Variants in FHAD1 observed in about 807,000 individuals in gnomAD.
The protein encoded by FHAD1 is forkhead-associated domain-containing protein 1.
A neutral mutation model predicts 191.3 loss-of-function variants in FHAD1; 146 were observed. The ratio of observed to expected loss-of-function variants is 0.76; its 90% CI spans 0.67 to 0.88. The LOEUF is 0.88. Ranked by LOEUF, FHAD1 falls within the 40% of genes least tolerant of loss-of-function variation. The pLI is 0.00. For missense variants in FHAD1, 1,635 were observed against 1,785.8 expected (o/e 0.92, Z 1.52); for synonymous variants, 616 against 672.3 (o/e 0.92, Z 1.29).
chr1:15,365,888 A>T lies in FHAD1; in HGVS notation c.3109A>T (p.Arg1037Trp), dbSNP rs994826119. 24 of 1,551,520 alleles carry T rather than the reference A, an allele frequency of 1.5e-5. No homozygotes were observed. The highest frequency in any genetic ancestry group is 2.1e-5 in the Non-Finnish European group (24 of 1,146,900). ...LSQQEVIMKL[R>W]KDLTEAHSRM... ...TCAGCAGGAAGTCATCATGAAGTTA[A>T]GGAAAGACCTTACCGAAGCCCACAG... Residue 1037 changes from arginine to tryptophan, a missense_variant, in exon 24 of 34, where the codon AGG becomes TGG. Transcript: ENST00000688493.
chr1:15,251,284 AACAAAAAAAAC>A (rs758116574), intron 1 of FHAD1, among the ~76,000 whole-genome samples: 2,228 of 114,086 alleles, frequency 0.02, 50 homozygotes, highest in African/African-American at 0.084. Flanking sequence ...AAAAAAAAAA[AACAAAAAAAAC>A]CACCCATTTT....
intron 14 of FHAD1, among the ~76,000 whole-genome samples, chr1:15,333,336 G>GGGGAGGAGGAGGGAAGAGGA (rs1443917715): frequency 1.3e-5 from 2 of 152,112 alleles, no homozygotes; most frequent in Non-Finnish European, 2.9e-5. Flanking sequence ...GAGGAAGGAT[G>GGGGAGGAGGAGGGAAGAGGA]GGGAGGAGGA....
At position 15,327,046 on chromosome 1, in the gene FHAD1, C is replaced by T. The variant is rs938527657; in HGVS notation, c.1474-13C>T. 1.9e-6 allele frequency: 3 copies of T among 1,545,500 alleles called. No individual in the cohort carries two copies. Among genetic ancestry groups the T allele is most frequent in the Non-Finnish European group, 2.6e-6 (3 of 1,141,552 alleles). On this transcript the variant is annotated splice_polypyrimidine_tract_variant and intron_variant, in intron 11 of 33. Coordinates refer to ENST00000688493, the MANE Select transcript of FHAD1 (RefSeq NM_001391957.1). The surrounding 1 kb of genome is among the most constrained non-coding windows in gnomAD (Gnocchi z 5.1). Reference sequence around the variant, plus strand: ...GCTGACCCCCTGACACTGTTGCCCCCTCTCTGCTGCAGCTGGAGCACTTCA... The same window carrying T: ...GCTGACCCCCTGACACTGTTGCCCCTTCTCTGCTGCAGCTGGAGCACTTCA...
rs111853351 is a variant in FHAD1, at chr1:15,376,572, C to T, written c.3705+842C>T. On this transcript the variant is annotated intron_variant, in intron 28 of 33. Transcript: ENST00000688493. ...AGTCAGAGGGACCTGTGTCCAGATCCGAGCTCTGCGAGCTGTGTGACCTTG... is the reference window on the plus strand; with the variant it reads ...AGTCAGAGGGACCTGTGTCCAGATCTGAGCTCTGCGAGCTGTGTGACCTTG... Among the ~76,000 whole-genome samples the T allele has an allele frequency of 4.0e-3, 602 of 152,264 alleles. 5 individuals carry two copies. Among genetic ancestry groups the T allele is most frequent in the African/African-American group, 0.013 (536 of 41,546 alleles).
At chr1:15,331,031 C>G (rs948182252) in intron 14 of FHAD1, among the ~76,000 whole-genome samples, 9 of 152,074 alleles carry the variant, frequency 5.9e-5, no homozygotes, top group Non-Finnish European at 1.2e-4. Flanking sequence ...ATCAACAGGC[C>G]TCAGTGGTAG....
intron 23 of FHAD1, among the ~76,000 whole-genome samples, chr1:15,363,092 T>G (rs182194760): frequency 6.6e-6 from 1 of 152,330 alleles, no homozygotes; most frequent in African/African-American, 2.4e-5. Flanking sequence ...GAGATTCATT[T>G]CTTACAGTTA....
At chr1:15,348,063 AG>A (rs1310359512) in intron 18 of FHAD1, among the ~76,000 whole-genome samples, 1 of 152,232 alleles carries the variant, frequency 6.6e-6, no homozygotes, top group African/African-American at 2.4e-5. Context: ...TACAATTCAC[AG>A]GAAAATGTCC....
rs946841166 is a variant in FHAD1, at chr1:15,318,768, T to C, written c.1365+840T>C. 6.6e-6 allele frequency among the ~76,000 whole-genome samples: 1 copy of C among 152,244 alleles called. No individual in the cohort carries two copies. ...GACAGCACAGATATGGAAATTTCCA[T>C]CAGCACAGCAAGTCCTATTGTTTTA... is the stretch of plus-strand genomic sequence containing the variant. On this transcript the variant is annotated intron_variant, in intron 10 of 33. Transcript: ENST00000688493. This position sits in a 1 kb window ranked among gnomAD's most constrained non-coding sequence, Gnocchi z 4.1.
chr1:15,282,501 G>T (rs1024917582), intron 3 of FHAD1, among the ~76,000 whole-genome samples: 10 of 152,130 alleles, frequency 6.6e-5, no homozygotes, highest in Admixed American at 4.6e-4. Context: ...TTTCCAACCG[G>T]AATACTGGTG....
At chr1:15,371,768 C>T (rs912508481) in intron 26 of FHAD1, among the ~76,000 whole-genome samples, 7 of 152,104 alleles carry the variant, frequency 4.6e-5, no homozygotes, top group African/African-American at 1.2e-4. Flanking sequence ...GAACCAGCCA[C>T]GCATCCTGTG....
chr1:15,321,353 A>G (rs1025314273), intron 10 of FHAD1, among the ~76,000 whole-genome samples: 2 of 152,206 alleles, frequency 1.3e-5, no homozygotes, highest in African/African-American at 4.8e-5. Context: ...AAAATCTAAT[A>G]TTTAGTGAGT....
At position 15,289,476 on chromosome 1, in the gene FHAD1, G is replaced by C; in HGVS notation, c.378G>C (p.Gln126His). The C allele has an allele frequency of 6.4e-7, 1 of 1,551,842 alleles. No homozygotes were observed. The highest frequency in any genetic ancestry group is 8.7e-7 in the Non-Finnish European group (1 of 1,147,022). ...QPPRATQQPN[Q>H]APPPSHIPFH... ...CTCGTGCCACACAGCAGCCAAACCA[G>C]GCCCCCCCACCATCACATATCCCCT... The change falls in exon 4 of 34, where the codon CAG (glutamine) becomes CAC (histidine). Residue 126 changes from glutamine (Q) to histidine (H), a missense_variant. Coordinates refer to ENST00000688493, the MANE Select transcript of FHAD1 (RefSeq NM_001391957.1). This position sits in a 1 kb window ranked among gnomAD's most constrained non-coding sequence, Gnocchi z 4.2.
At chr1:15,358,405 G>C in intron 21 of FHAD1, 122 bp downstream of exon 21, 1 of 952,930 alleles carries the variant, frequency 1.0e-6, no homozygotes, top group Non-Finnish European at 1.6e-6. Context: ...TCTGGGCCAA[G>C]TAGCTCTTTC....
chr1:15,393,979 C>T (rs1187803585), intron 33 of FHAD1, among the ~76,000 whole-genome samples: 1 of 151,950 alleles, frequency 6.6e-6, no homozygotes. Flanking sequence ...TTCCTAGAGC[C>T]GAGGCTTGCA....
chr1:15,308,747 G>A lies in FHAD1; in HGVS notation c.1039+11G>A. The A allele has an allele frequency of 6.4e-7, 1 of 1,551,590 alleles. No individual in the cohort carries two copies. Among genetic ancestry groups the A allele is most frequent in the Non-Finnish European group, 8.7e-7 (1 of 1,146,936 alleles). ...ACGCTATCACATCAGGTGAGCCCTT[G>A]GAGTCGGGCCTGGGAGCTGCCACTC... On this transcript the variant is annotated intron_variant, in intron 7 of 33. Transcript: ENST00000688493.
chr1:15,328,041 AAAAAAAGAAAAG>A lies in FHAD1; in HGVS notation c.1558-222_1558-211del, dbSNP rs975126439. 130 of 256,208 alleles carry A rather than the reference AAAAAAAGAAAAG, an allele frequency of 5.1e-4. 2 individuals carry two copies. The South Asian group carries it at 0.018, about 35-fold the overall frequency. The allele number at this position is 256,208 out of a possible 1,614,324, so 15.9% of individuals were successfully genotyped here. A position where few individuals can be genotyped will look rare whatever the true frequency, so the allele number is the denominator to read the frequency against. On this transcript the variant is annotated intron_variant, in intron 12 of 33. Transcript: ENST00000688493. ...AGAGTGAAACTCCGTCGCAAAAAAA[AAAAAAAGAAAAG>A]AAAAAAGAAAAGAGAATCTCTGATT...
intron 15 of FHAD1, among the ~76,000 whole-genome samples, chr1:15,340,879 G>T (rs572918488): frequency 6.6e-6 from 1 of 152,144 alleles, no homozygotes; most frequent in South Asian, 2.1e-4. Context: ...GCATGGCACT[G>T]TTCCAATAAA....
At position 15,327,409 on chromosome 1, in the gene FHAD1, C is replaced by T. The variant is rs1034000370; in HGVS notation, c.1557+267C>T. 13 of 370,316 alleles carry T rather than the reference C, an allele frequency of 3.5e-5. No individual in the cohort carries two copies. The highest frequency in any genetic ancestry group is 5.8e-5 in the Non-Finnish European group (12 of 205,408). The allele number at this position is 370,316 out of a possible 1,614,324, so 22.9% of individuals were successfully genotyped here. ...TTCTGGTCTCCAGACATGCATGTTT[C>T]GCCTCCATTAGCACTGGGAGAAAGG... On this transcript the variant is annotated intron_variant, in intron 12 of 33. Coordinates refer to ENST00000688493, the MANE Select transcript of FHAD1 (RefSeq NM_001391957.1). This position sits in a 1 kb window ranked among gnomAD's most constrained non-coding sequence, Gnocchi z 5.1.
chr1:15,271,140 GAAAAAAAA>G (rs543401814), intron 2 of FHAD1, among the ~76,000 whole-genome samples: 109 of 76,684 alleles, frequency 1.4e-3, no homozygotes, highest in Middle Eastern at 8.2e-3. Flanking sequence ...CTCCATCTCG[GAAAAAAAA>G]AAAAAAAAAA....
Sources: gnomAD v4.1 joint callset for allele counts (sites outside exome capture counted in the v4.1 genomes callset) on GRCh38, gnomAD v4.1.1 for gene constraint, Gnocchi (gnomAD v3.1) non-coding constraint, MANE v1.5 for transcripts, NCBI Gene and HGNC (gene_info 2026-07-23, HGNC 2026-07-21) for gene names.